NECAB1: variants seen among roughly 807,000 people sequenced by gnomAD.
The protein encoded by NECAB1 is N-terminal EF-hand calcium binding protein 1, also known as N-terminal EF-hand calcium-binding protein 1.
Under a neutral mutation model 57.5 loss-of-function variants are expected in NECAB1, and 29 were observed. The ratio of observed to expected loss-of-function variants is 0.50; its 90% CI spans 0.38 to 0.69. The LOEUF (loss-of-function observed/expected upper bound fraction) is 0.69, where lower values mean the gene tolerates loss of function less well. NECAB1 is among the 30% of genes least tolerant of loss of function. The pLI is 0.00. For missense variants in NECAB1, 372 were observed against 413.8 expected, an observed-to-expected ratio of 0.90 and a Z score of 0.88; for synonymous variants, 142 against 147.7, an observed-to-expected ratio of 0.96 and a Z score of 0.28.
chr8:90,936,940 G>A (rs916366029), intron 9 of NECAB1, among the ~76,000 whole-genome samples: 15 of 151,850 alleles, frequency 9.9e-5, no homozygotes, highest in African/African-American at 3.4e-4. Flanking sequence ...CTAATTTTAC[G>A]TATCAGAAGA....
At chr8:90,851,151 C>A (rs1466008070) in intron 3 of NECAB1, among the ~76,000 whole-genome samples, 1 of 152,186 alleles carries the variant, frequency 6.6e-6, no homozygotes, top group Non-Finnish European at 1.5e-5. Context: ...AAGTGGTATA[C>A]CCGAAGAGGG....
chr8:90,917,870 A>ATATGTGTGTG (rs1554575432), intron 6 of NECAB1, among the ~76,000 whole-genome samples: 9 of 64,326 alleles, frequency 1.4e-4, no homozygotes, highest in South Asian at 9.5e-4. Context: ...ATATATATAT[A>ATATGTGTGTG]TGTGTGTGTG....
chr8:90,958,967 T>C lies in NECAB1; in HGVS notation c.*3455T>C. 7.5e-7 allele frequency: 1 copy of C among 1,329,000 alleles called. No individual in the cohort carries two copies. The highest frequency in any genetic ancestry group is 1.0e-6 in the Non-Finnish European group (1 of 979,902). 82.3% of individuals were successfully genotyped at this position (1,329,000 alleles called of 1,614,324 possible). ...GTTATTGTTGCTAGATCCACCTCAT[T>C]TGCAGATGTCCAAACTTAAATTCAT... On this transcript the variant is annotated 3_prime_UTR_variant, in exon 13 of 13. Coordinates refer to ENST00000417640, the MANE Select transcript of NECAB1 (RefSeq NM_022351.5).
intron 2 of NECAB1, among the ~76,000 whole-genome samples, chr8:90,817,328 A>G (rs1441114861): frequency 6.6e-6 from 1 of 151,720 alleles, no homozygotes; most frequent in Non-Finnish European, 1.5e-5. Flanking sequence ...TTGTCTTAGC[A>G]GCAGGTAGGA....
At chr8:90,932,686 G>A (rs1263584440) in intron 8 of NECAB1, among the ~76,000 whole-genome samples, 1 of 152,140 alleles carries the variant, frequency 6.6e-6, no homozygotes, top group Non-Finnish European at 1.5e-5. Flanking sequence ...CAAAATAACA[G>A]CACAGCTAGA....
At chr8:90,800,764 A>G (rs1811745726) in intron 1 of NECAB1, among the ~76,000 whole-genome samples, 1 of 152,154 alleles carries the variant, frequency 6.6e-6, no homozygotes, top group Non-Finnish European at 1.5e-5. Flanking sequence ...AGGCAAAACC[A>G]TGACCTGTCA....
chr8:90,906,416 A>C (rs1395294482), intron 5 of NECAB1, among the ~76,000 whole-genome samples: 1 of 152,026 alleles, frequency 6.6e-6, no homozygotes. Context: ...TGGTCCTTTG[A>C]GTGTTCCAGC....
intron 2 of NECAB1, among the ~76,000 whole-genome samples, chr8:90,822,641 C>T (rs1313373418): frequency 6.6e-6 from 1 of 151,768 alleles, no homozygotes; most frequent in African/African-American, 2.4e-5. Context: ...TTTGAAATCA[C>T]TTACTTATCA....
intron 5 of NECAB1, among the ~76,000 whole-genome samples, chr8:90,901,486 G>A (rs1449282314): frequency 6.6e-6 from 1 of 152,158 alleles, no homozygotes; most frequent in East Asian, 1.9e-4. Flanking sequence ...AAAGCTTTTC[G>A]TGTTTTGTGC....
At chr8:90,872,049 CTG>C in intron 3 of NECAB1, 77 bp from the exon 4 acceptor site, 1 of 1,085,230 alleles carries the variant, frequency 9.2e-7, no homozygotes, top group African/African-American at 1.6e-5. Context: ...TGGAGACTAA[CTG>C]TATTTAACTA....
chr8:90,909,286 A>T (rs140200532), intron 5 of NECAB1, among the ~76,000 whole-genome samples: 192 of 152,238 alleles, frequency 1.3e-3, no homozygotes, highest in Non-Finnish European at 2.2e-3. Flanking sequence ...GTCTATGAAC[A>T]TAGTCCAACT....
chr8:90,916,291 G>A (rs1210156510), intron 5 of NECAB1, among the ~76,000 whole-genome samples: 2 of 152,128 alleles, frequency 1.3e-5, no homozygotes, highest in Non-Finnish European at 2.9e-5. Context: ...ACTATATCAG[G>A]AGGCCATAGT....
chr8:90,947,698 G>A (rs1810844519), intron 10 of NECAB1, among the ~76,000 whole-genome samples: 1 of 152,162 alleles, frequency 6.6e-6, no homozygotes, highest in Admixed American at 6.5e-5. Flanking sequence ...ACTGTGCCCG[G>A]CCTTACATGT....
chr8:90,915,226 TA>T (rs555479730), intron 5 of NECAB1, among the ~76,000 whole-genome samples: 1 of 152,134 alleles, frequency 6.6e-6, no homozygotes, highest in Non-Finnish European at 1.5e-5. Context: ...TTTTATTTTT[TA>T]AAATATCCAT....
rs559762751 is a variant in NECAB1 at position 90,917,611 on chromosome 8, G to A, written c.477G>A (p.Glu159=). Residue 159 remains glutamate, a synonymous_variant, in exon 6 of 13, where the codon GAG becomes GAA. Transcript: ENST00000417640. ...SLECAMETTE[E]QTRQERQGPA... ...AATGTGCCATGGAAACTACTGAGGA[G>A]CAAACCCGTCAAGAAAGGCAATTTA... 3.7e-6 allele frequency: 6 copies of A among 1,607,886 alleles called. No homozygotes were observed. In the African/African-American group the frequency reaches 8.0e-5, roughly 22 times the overall value.
chr8:90,955,112 T>TCATATATATA (rs1811003571), intron 12 of NECAB1, among the ~76,000 whole-genome samples: 2 of 70,816 alleles, frequency 2.8e-5, no homozygotes, highest in Non-Finnish European at 5.6e-5. Flanking sequence ...GGTATATAAA[T>TCATATATATA]TATATATATA....
At chr8:90,805,911 T>C (rs1295690202) in intron 2 of NECAB1, among the ~76,000 whole-genome samples, 1 of 152,154 alleles carries the variant, frequency 6.6e-6, no homozygotes, top group Non-Finnish European at 1.5e-5. Flanking sequence ...AACTGAAAGT[T>C]TGTACCCTTG....
At chr8:90,798,992 C>T (rs535205956) in intron 1 of NECAB1, among the ~76,000 whole-genome samples, 1 of 152,212 alleles carries the variant, frequency 6.6e-6, no homozygotes, top group South Asian at 2.1e-4. Flanking sequence ...TGATAATAGC[C>T]ATTCTGACTG....
chr8:90,792,033 T>C, intron 1 of NECAB1, 48 bp downstream of exon 1: 1 of 1,454,958 alleles, frequency 6.9e-7, no homozygotes, highest in Non-Finnish European at 9.4e-7. Flanking sequence ...AGCACCTTTC[T>C]TTTCCCCGAA....
Sources: gnomAD v4.1 joint callset for allele counts (sites outside exome capture counted in the v4.1 genomes callset) on GRCh38, gnomAD v4.1.1 for gene constraint, MANE v1.5 for transcripts, NCBI Gene and HGNC (gene_info 2026-07-23, HGNC 2026-07-21) for gene names.